PDGFD: variants seen among roughly 807,000 people sequenced by gnomAD.
PDGFD encodes the protein platelet-derived growth factor D.
In PDGFD, 30 loss-of-function variants were observed where a neutral mutation model predicts 44.7. That is an observed-to-expected ratio of 0.67 (90% CI 0.50 to 0.91). The LOEUF is 0.91. Ranked by LOEUF, PDGFD falls within the 40% of genes least tolerant of loss-of-function variation. PDGFD has a pLI of 0.00. For synonymous variants in PDGFD, 173 were observed against 168.4 expected (o/e 1.03, Z -0.21); for missense variants, 445 against 457.8 (o/e 0.97, Z 0.25).
intron 1 of PDGFD, chr11:104,037,283 C>T: frequency 1.9e-6 from 3 of 1,613,392 alleles, no homozygotes; most frequent in Non-Finnish European, 2.5e-6. Flanking sequence ...CTCTCCAACC[C>T]CCACGATCTG....
intron 1 of PDGFD, among the ~76,000 whole-genome samples, chr11:104,102,490 C>G (rs1861402832): frequency 6.6e-6 from 1 of 152,162 alleles, no homozygotes; most frequent in South Asian, 2.1e-4. Context: ...GGACTGTAAA[C>G]TAGTTCAACC....
chr11:104,104,370 G>A (rs984428070), intron 1 of PDGFD, among the ~76,000 whole-genome samples: 2 of 151,834 alleles, frequency 1.3e-5, no homozygotes, highest in Non-Finnish European at 2.9e-5. Context: ...GTACAGTAAT[G>A]TTCTAGACCT....
At chr11:104,017,827 C>T (rs572076172) in intron 1 of PDGFD, among the ~76,000 whole-genome samples, 28 of 152,200 alleles carry the variant, frequency 1.8e-4, no homozygotes, top group African/African-American at 5.5e-4. Flanking sequence ...AGTAAGTACG[C>T]GATGTTTAAT....
chr11:104,057,547 A>G (rs1210241512), intron 1 of PDGFD, among the ~76,000 whole-genome samples: 1 of 152,012 alleles, frequency 6.6e-6, no homozygotes, highest in Non-Finnish European at 1.5e-5. Flanking sequence ...GAGGAGAGAA[A>G]GGGTTGAAAA....
chr11:104,151,385 T>C (rs914253434), intron 1 of PDGFD, among the ~76,000 whole-genome samples: 1 of 152,204 alleles, frequency 6.6e-6, no homozygotes, highest in Non-Finnish European at 1.5e-5. Flanking sequence ...TATTTCAACA[T>C]ATTTTAAGTA....
chr11:104,100,618 A>C (rs1360044575), intron 1 of PDGFD, among the ~76,000 whole-genome samples: 2 of 152,158 alleles, frequency 1.3e-5, no homozygotes, highest in Non-Finnish European at 2.9e-5. Flanking sequence ...CATCATCCTG[A>C]TACCAAAGCC....
chr11:103,920,083 A>G (rs1858189955), intron 6 of PDGFD, among the ~76,000 whole-genome samples: 1 of 152,222 alleles, frequency 6.6e-6, no homozygotes, highest in Non-Finnish European at 1.5e-5. Context: ...AGAAGGACTG[A>G]TATCAAGTCC....
In PDGFD at chr11:104,140,076, A is replaced by AAAT. The variant is rs1565346554; in HGVS notation, c.124+23727_124+23728insATT. On this transcript the variant is annotated intron_variant, in intron 1 of 6. Transcript: ENST00000393158. ...AGCGAGACTCCGTCTCAAAAAAAAA[A>AAAT]AAATAAATAAATAAATAAATAACTT... Among the ~76,000 whole-genome samples the AAAT allele has an allele frequency of 4.7e-4, 25 of 53,564 alleles. 8 individuals are homozygous for AAAT. Among genetic ancestry groups the AAAT allele is most frequent in the African/African-American group, 2.5e-3 (19 of 7,678 alleles). The allele number at this position is 53,564 out of a possible 152,430, so 35.1% of individuals were successfully genotyped here.
chr11:104,040,488 A>T (rs924732240), intron 1 of PDGFD, among the ~76,000 whole-genome samples: 1 of 152,082 alleles, frequency 6.6e-6, no homozygotes, highest in Admixed American at 6.6e-5. Context: ...GTGTATACTT[A>T]AAAAGGTCCT....
At chr11:103,919,053 C>T (rs112912524) in intron 6 of PDGFD, among the ~76,000 whole-genome samples, 8,636 of 152,190 alleles carry the variant, frequency 0.057, 322 homozygotes, top group Non-Finnish European at 0.081. Context: ...AATCCACTGG[C>T]GGGCAACCAG....
intron 3 of PDGFD, among the ~76,000 whole-genome samples, chr11:103,965,891 A>T (rs1048252795): frequency 4.6e-5 from 7 of 152,216 alleles, no homozygotes; most frequent in Non-Finnish European, 1.0e-4. Flanking sequence ...CATGAAGCAG[A>T]TGAGCGAGGA....
intron 1 of PDGFD, among the ~76,000 whole-genome samples, chr11:104,053,466 C>A (rs956385281): frequency 6.6e-6 from 1 of 152,168 alleles, no homozygotes; most frequent in African/African-American, 2.4e-5. Context: ...AATAGTTTCA[C>A]AAACAGCTTC....
At chr11:104,131,220 C>A (rs1404492695) in intron 1 of PDGFD, among the ~76,000 whole-genome samples, 3 of 152,158 alleles carry the variant, frequency 2.0e-5, no homozygotes, top group Admixed American at 2.0e-4. Context: ...AATGTCAAAT[C>A]AAAGTGCAAT....
chr11:104,091,269 A>AAAAGAAATGTTTAATATTAC (rs1246111529), intron 1 of PDGFD, among the ~76,000 whole-genome samples: 1 of 152,220 alleles, frequency 6.6e-6, no homozygotes, highest in African/African-American at 2.4e-5. Context: ...TTTCTTAAAA[A>AAAAGAAATGTTTAATATTAC]AAAGAAATGT....
intron 1 of PDGFD, among the ~76,000 whole-genome samples, chr11:104,043,162 T>C (rs898410781): frequency 6.6e-6 from 1 of 152,094 alleles, no homozygotes; most frequent in Non-Finnish European, 1.5e-5. Context: ...ATATAGAATA[T>C]GGAGTAGAGG....
chr11:103,973,166 TCTCA>T (rs1016732961), intron 3 of PDGFD, among the ~76,000 whole-genome samples: 19 of 134,106 alleles, frequency 1.4e-4, no homozygotes, highest in Non-Finnish European at 6.3e-5. Context: ...TGAGATGGAG[TCTCA>T]CTCTGTCACC....
rs541860244 is a variant in PDGFD, at chr11:104,049,593, G to T, written c.125-49338C>A. ...TGGTTGTATTGTTAAAAATAGAAGG[G>T]CTAAGAATTAGGCTCCTGAGAGGTT... On this transcript the variant is annotated intron_variant, in intron 1 of 6. Coordinates refer to ENST00000393158, the MANE Select transcript of PDGFD (RefSeq NM_025208.5). Among the ~76,000 whole-genome samples, 587 of 152,060 alleles carry T rather than the reference G, an allele frequency of 3.9e-3. 2 individuals are homozygous for T. Among genetic ancestry groups the T allele is most frequent in the African/African-American group, 0.013 (554 of 41,474 alleles).
At chr11:103,992,428 C>G (rs2082177248) in intron 3 of PDGFD, among the ~76,000 whole-genome samples, 1 of 152,162 alleles carries the variant, frequency 6.6e-6, no homozygotes, top group South Asian at 2.1e-4. Context: ...CTTAATACAT[C>G]CTATGCATTG....
intron 1 of PDGFD, among the ~76,000 whole-genome samples, chr11:104,098,801 T>A (rs1394680202): frequency 6.6e-6 from 1 of 152,116 alleles, no homozygotes; most frequent in Non-Finnish European, 1.5e-5. Flanking sequence ...ACATCTAGCC[T>A]CTTCTGTTTT....
Sources: gnomAD v4.1 joint callset for allele counts (sites outside exome capture counted in the v4.1 genomes callset) on GRCh38, gnomAD v4.1.1 for gene constraint, MANE v1.5 for transcripts, NCBI Gene and HGNC (gene_info 2026-07-23, HGNC 2026-07-21) for gene names.